LRRC37B: variants seen among roughly 807,000 people sequenced by gnomAD.
LRRC37B encodes the protein leucine-rich repeat-containing protein 37B.
In LRRC37B, 28 loss-of-function variants were observed where a neutral mutation model predicts 98.3. That is an observed-to-expected ratio of 0.28 (90% confidence interval 0.21 to 0.39). The LOEUF (loss-of-function observed/expected upper bound fraction) is 0.39, where lower values mean the gene tolerates loss of function less well. Among genes scored for constraint, LRRC37B ranks in the 10% least tolerant of loss-of-function variants. The pLI is 1.00. For missense variants in LRRC37B, 938 were observed against 1,182.7 expected, an observed-to-expected ratio of 0.79 and a Z score of 3.03; for synonymous variants, 364 against 442.7, an observed-to-expected ratio of 0.82 and a Z score of 2.23.
At chr17:32,033,435 A>G (rs1268514191) in intron 5 of LRRC37B, among the ~76,000 whole-genome samples, 2 of 152,242 alleles carry the variant, frequency 1.3e-5, no homozygotes, top group African/African-American at 4.8e-5. Flanking sequence ...TTGTAAAACC[A>G]TAAGGTTAAA....
At chr17:32,035,594 C>G (rs1447108337) in exon 7 of LRRC37B, 13 of 1,612,406 alleles carry the variant, frequency 8.1e-6, no homozygotes, top group African/African-American at 1.3e-5. Flanking sequence ...ATCACACTTA[C>G]AACACTTAAG....
chr17:32,022,102 C>T, exon 1 of LRRC37B: 1 of 1,613,690 alleles, frequency 6.2e-7, no homozygotes, highest in Non-Finnish European at 8.5e-7. Flanking sequence ...GCTCAAACTC[C>T]ACTGAATCAT....
intron 2 of LRRC37B, 101 bp from the exon 6 acceptor site, chr17:32,027,668 A>G (rs1911007346): frequency 8.8e-7 from 1 of 1,133,174 alleles, no homozygotes; most frequent in Non-Finnish European, 1.3e-6. Context: ...CCATCTTGAA[A>G]TGACCATGAC....
At chr17:32,027,378 TGTGTGTGTGCTTGC>T (rs1910988570) in intron 2 of LRRC37B, among the ~76,000 whole-genome samples, 2 of 151,082 alleles carry the variant, frequency 1.3e-5, no homozygotes, top group Admixed American at 6.6e-5. Context: ...TGTGTGCTTG[TGTGTGTGTGCTTGC>T]ATGTGTGTGT....
In LRRC37B at chr17:32,011,940, C is replaced by T. The variant is rs181966240; in HGVS notation, c.-191+3808C>T. Among the ~76,000 whole-genome samples the T allele has an allele frequency of 6.2e-3, 939 of 152,060 alleles. 9 individuals carry two copies. The highest frequency in any genetic ancestry group is 0.022 in the African/African-American group (901 of 41,456). Reference sequence around the variant, plus strand: ...GTTTTAAAACGTATTGTTTAATTTTCAAACATTTAGGGATTTCCCAGATAT... The same window carrying T: ...GTTTTAAAACGTATTGTTTAATTTTTAAACATTTAGGGATTTCCCAGATAT... On this transcript the variant is annotated intron_variant, in intron 1 of 14. Transcript: ENST00000543378.
In LRRC37B at chr17:32,022,467, G is replaced by A. The variant is rs200653463; in HGVS notation, c.1402G>A (p.Glu468Lys). The A allele has an allele frequency of 9.1e-5, 147 of 1,612,766 alleles. No homozygotes were observed. Among genetic ancestry groups the A allele is most frequent in the South Asian group, 8.8e-5 (8 of 91,024 alleles). The change falls in exon 1 of 12, where the codon GAA (glutamate) becomes AAA (lysine). Residue 468 changes from glutamate to lysine, a missense_variant. Transcript: ENST00000327564. ...GGTTAAACCGTCTCCAACCACGGAG[G>A]AAACCTCAGCTCAGCCTCCAGACCC...
rs1238110978 is a variant in LRRC37B, at chr17:32,035,508, G to A, written c.2130-57G>A. ...ATCACATGTCCTTGAATTATCTTTT[G>A]AAGTACAGAATTTTGTAATGGGTTC... On this transcript the variant is annotated intron_variant, in intron 6 of 11. Transcript: ENST00000327564. The A allele has an allele frequency of 3.3e-6, 5 of 1,525,696 alleles. No homozygotes were observed. The East Asian group carries it at 1.1e-4, about 35-fold the overall frequency. The allele number at this position is 1,525,696 out of a possible 1,614,324, so 94.5% of individuals were successfully genotyped here.
intron 8 of LRRC37B, among the ~76,000 whole-genome samples, chr17:32,046,396 A>T (rs1897848): frequency 0.14 from 19,054 of 140,648 alleles, no homozygotes; most frequent in African/African-American, 0.27. Flanking sequence ...CTGAATCTCA[A>T]ACCTTTCTAT....
intron 7 of LRRC37B, chr17:32,041,755 G>T (rs747144051): frequency 2.2e-6 from 1 of 457,816 alleles, no homozygotes; most frequent in South Asian, 1.5e-5. Context: ...AACGGTGACG[G>T]CTCCCTTCCT....
At chr17:32,029,726 G>A (rs967009876) in intron 3 of LRRC37B, among the ~76,000 whole-genome samples, 1 of 152,218 alleles carries the variant, frequency 6.6e-6, no homozygotes, top group Non-Finnish European at 1.5e-5. Context: ...ATTGGAGCCA[G>A]ATCTTCCAGG....
intron 3 of LRRC37B, among the ~76,000 whole-genome samples, chr17:32,030,044 A>G (rs1911069374): frequency 6.6e-6 from 1 of 152,152 alleles, no homozygotes; most frequent in South Asian, 2.1e-4. Context: ...CCATCCAGGT[A>G]AAGAGGGAGG....
At chr17:32,022,171 C>T in exon 1 of LRRC37B, 1 of 1,613,736 alleles carries the variant, frequency 6.2e-7, no homozygotes, top group Non-Finnish European at 8.5e-7. Flanking sequence ...CCCAAGTTTA[C>T]AGTCAAACCT....
At chr17:32,012,653 T>C (rs1315257605) in intron 1 of LRRC37B, among the ~76,000 whole-genome samples, 2 of 152,080 alleles carry the variant, frequency 1.3e-5, no homozygotes, top group African/African-American at 4.8e-5. Context: ...GTGGTGGATA[T>C]TGCAGTGAGC....
At chr17:32,032,461 T>C (rs1911137120) in intron 5 of LRRC37B, among the ~76,000 whole-genome samples, 1 of 152,196 alleles carries the variant, frequency 6.6e-6, no homozygotes, top group African/African-American at 2.4e-5. Flanking sequence ...AAAAATTCTA[T>C]GATTTCTCTG....
chr17:32,049,979 T>G (rs751209229), intron 10 of LRRC37B, 24 bp from the exon 14 acceptor site: 19 of 1,364,538 alleles, frequency 1.4e-5, no homozygotes, highest in Non-Finnish European at 1.9e-5. Context: ...TCTTTCTTTT[T>G]TCTTTTTTTT....
intron 4 of LRRC37B, 85 bp from the exon 8 acceptor site, chr17:32,031,293 C>G (rs1279196167): frequency 6.4e-7 from 1 of 1,551,090 alleles, no homozygotes; most frequent in Non-Finnish European, 8.7e-7. Context: ...AGGTGATGTT[C>G]CATCCTATGT....
upstream of LRRC37B, among the ~76,000 whole-genome samples, chr17:32,018,262 GGT>G: frequency 6.6e-6 from 1 of 152,268 alleles, no homozygotes; most frequent in Non-Finnish European, 1.5e-5. Flanking sequence ...AGGAGGTGGA[GGT>G]TGTGGTGAGC....
intron 7 of LRRC37B, chr17:32,042,219 C>T (rs1340883228): frequency 1.4e-5 from 3 of 209,768 alleles, no homozygotes; most frequent in East Asian, 2.8e-4. Context: ...ACATGGCCTC[C>T]TCTAGGGCCC....
chr17:32,017,118 A>T (rs1910661151), upstream of LRRC37B: 1 of 152,120 alleles, frequency 6.6e-6, no homozygotes, highest in South Asian at 2.1e-4. Flanking sequence ...CACACTGAAA[A>T]CTTCATAGAC....
Sources: gnomAD v4.1 joint callset for allele counts (sites outside exome capture counted in the v4.1 genomes callset) on GRCh38, gnomAD v4.1.1 for gene constraint, MANE v1.5 for transcripts, NCBI Gene and HGNC (gene_info 2026-07-23, HGNC 2026-07-21) for gene names.